ADAM19: variants seen among roughly 807,000 people sequenced by gnomAD.
The protein encoded by ADAM19 is ADAM metallopeptidase domain 19, also known as disintegrin and metalloproteinase domain-containing protein 19.
Under a neutral mutation model 114.7 loss-of-function variants are expected in ADAM19, and 65 were observed. The ratio of observed to expected loss-of-function variants is 0.57; its 90% CI spans 0.46 to 0.70. ADAM19 has a LOEUF of 0.70. Ranked by LOEUF, ADAM19 falls within the 30% of genes least tolerant of loss-of-function variation. The probability of loss-of-function intolerance (pLI) is 0.00; values close to 1 mark genes in which losing one functional copy is unlikely to be tolerated. For synonymous variants in ADAM19, 466 were observed against 460.5 expected, an observed-to-expected ratio of 1.01 and a Z score of -0.15; for missense variants, 1,063 against 1,204.7, an observed-to-expected ratio of 0.88 and a Z score of 1.74.
rs754714612 is a variant in ADAM19 at position 157,490,413 on chromosome 5, C to T, written c.2137G>A (p.Val713Met). The change falls in exon 19 of 23, where the codon GTG becomes ATG. Residue 713 changes from valine (V) to methionine (M), a missense_variant. Coordinates refer to ENST00000257527, the MANE Select transcript of ADAM19 (RefSeq NM_033274.5). ...VVAGVLVAILVLAVLMLMYYC... is the reference protein window; with the variant it reads ...VVAGVLVAILMLAVLMLMYYC... ...TACATCAGCATGAGGACCGCCAGCA[C>T]CAAGATGGCCACCAACACTCCAGCT... 3.7e-6 allele frequency: 6 copies of T among 1,613,992 alleles called. No individual in the cohort carries two copies. Among genetic ancestry groups the T allele is most frequent in the Admixed American group, 3.3e-5 (2 of 60,000 alleles).
chr5:157,573,193 AC>A (rs1241319298), intron 1 of ADAM19, among the ~76,000 whole-genome samples: 1 of 152,236 alleles, frequency 6.6e-6, no homozygotes, highest in Non-Finnish European at 1.5e-5. Context: ...CTAAAATCTC[AC>A]CAAAAGAGGA....
At chr5:157,530,943 T>C (rs553584075) in intron 4 of ADAM19, 60 bp from the exon 5 acceptor site, 10 of 1,416,160 alleles carry the variant, frequency 7.1e-6, no homozygotes, top group Non-Finnish European at 1.0e-5. Flanking sequence ...GCAATGTTAA[T>C]ATCTCAGGAT....
chr5:157,530,823 T>C lies in ADAM19; in HGVS notation c.391A>G (p.Thr131Ala), dbSNP rs148112715. The C allele has an allele frequency of 1.1e-4, 184 of 1,614,044 alleles. No homozygotes were observed. Among genetic ancestry groups the C allele is most frequent in the Non-Finnish European group, 1.0e-4 (119 of 1,180,020 alleles). ...GTCTCTTACCTAATTCCTCGGCAAG[T>C]GCTGAGCGTGACGCTGGACAGTTCT... ...ETELSSVTLS[T>A]CRGIRGLITV... The change falls in exon 5 of 23, where the codon ACT (threonine) becomes GCT (alanine). Residue 131 changes from threonine (T) to alanine (A), a missense_variant. Thr to Ala is a moderately conservative substitution (Grantham distance 58, BLOSUM62 0). This residue lies in a region of ADAM19 where 615 missense variants were observed against 706.3 expected (regional missense o/e 0.87). Transcript: ENST00000257527.
At chr5:157,533,270 CCT>C (rs1372446316) in intron 4 of ADAM19, among the ~76,000 whole-genome samples, 1 of 152,226 alleles carries the variant, frequency 6.6e-6, no homozygotes, top group Non-Finnish European at 1.5e-5. Context: ...AGAGCCAACC[CCT>C]GTCTTTGCAT....
rs541829591 is a variant in ADAM19, at chr5:157,568,643, T to G, written c.180+2252A>C. ...TTGGAAATCTGTCCTATATTTGCAT[T>G]CCCCCTAAGATCTAGTATAATATTT... On this transcript the variant is annotated intron_variant, in intron 2 of 22. Transcript: ENST00000257527. 3 of 152,100 alleles carry G rather than the reference T, an allele frequency of 2.0e-5. No homozygotes were observed. The East Asian group carries it at 5.8e-4, about 29-fold the overall frequency. 9.4% of individuals were successfully genotyped at this position (152,100 alleles called of 1,614,324 possible).
intron 2 of ADAM19, chr5:157,568,903 C>T (rs1757744418): frequency 6.6e-6 from 1 of 152,104 alleles, no homozygotes; most frequent in Admixed American, 6.6e-5. Flanking sequence ...AATACAATGA[C>T]CCATATGCTG....
At chr5:157,548,192 C>T (rs552549669) in intron 3 of ADAM19, among the ~76,000 whole-genome samples, 1 of 152,316 alleles carries the variant, frequency 6.6e-6, no homozygotes, top group South Asian at 2.1e-4. Flanking sequence ...TCCCGTGCCC[C>T]CAATCCAGAG....
At chr5:157,518,745 C>A in intron 7 of ADAM19, 78 bp downstream of exon 7, 1 of 1,147,934 alleles carries the variant, frequency 8.7e-7, no homozygotes, top group Non-Finnish European at 1.3e-6. Flanking sequence ...GGCAACATTT[C>A]CCCAAAGCAG....
chr5:157,513,539 A>C (rs1561538365), intron 7 of ADAM19, 34 bp from the exon 8 acceptor site: 7 of 1,584,618 alleles, frequency 4.4e-6, no homozygotes, highest in Non-Finnish European at 5.2e-6. Context: ...GTGAGATCCC[A>C]GAACCTCTCA....
Position 157,493,047 on chromosome 5 carries a change from G to A in ADAM19, c.1834C>T (p.Arg612Ter), listed in dbSNP as rs770719684. 47 of 1,614,108 alleles carry A rather than the reference G, an allele frequency of 2.9e-5. No homozygotes were observed. Among genetic ancestry groups the A allele is most frequent in the Non-Finnish European group, 3.3e-5 (39 of 1,180,048 alleles). Residue 612 changes from arginine (R) to a stop codon, truncating the protein, a stop_gained, in exon 16 of 23, where the codon CGA (arginine) becomes TGA (stop). Transcript: ENST00000257527. LOFTEE classifies it high-confidence loss of function. ...QIQCRGTHVY[R>*]GPEEEGDMLD... ...ATGTCACCCTCCTCCTCAGGACCTCGGTAGACGTGGGTGCCCCGGCACTGG... is the reference window on the plus strand; with the variant it reads ...ATGTCACCCTCCTCCTCAGGACCTCAGTAGACGTGGGTGCCCCGGCACTGG...
At position 157,537,925 on chromosome 5, in the gene ADAM19, T is replaced by G. The variant is rs764120819; in HGVS notation, c.318A>C (p.Thr106=). ...YTSSGNPQTT[T]RKLEDHCFYH... is the part of the protein sequence containing the mutation. ...GACCTGAACTCACCTCCAATTTCCGTGTGGTGGTTTGAGGGTTACCACTTG... is the reference window on the plus strand; with the variant it reads ...GACCTGAACTCACCTCCAATTTCCGGGTGGTGGTTTGAGGGTTACCACTTG... Residue 106 remains threonine, a synonymous_variant, in exon 4 of 23, where the codon ACA becomes ACC. Transcript: ENST00000257527. The G allele has an allele frequency of 6.2e-7, 1 of 1,614,046 alleles. No individual in the cohort carries two copies. The highest frequency in any genetic ancestry group is 1.3e-5 in the African/African-American group (1 of 75,022).
intron 20 of ADAM19, 58 bp from the exon 21 acceptor site, chr5:157,488,547 G>T: frequency 7.2e-7 from 1 of 1,380,734 alleles, no homozygotes; most frequent in Non-Finnish European, 9.9e-7. Context: ...CTGGCCTTGT[G>T]TGTCTCTTTG....
At chr5:157,546,707 C>T (rs2113773657) in intron 3 of ADAM19, among the ~76,000 whole-genome samples, 1 of 152,304 alleles carries the variant, frequency 6.6e-6, no homozygotes, top group South Asian at 2.1e-4. Context: ...TGGCCCTCTC[C>T]CCGGGGAGAC....
intron 13 of ADAM19, 113 bp from the exon 14 acceptor site, chr5:157,497,202 T>G (rs1332526723): frequency 1.0e-6 from 1 of 988,496 alleles, no homozygotes; most frequent in Non-Finnish European, 1.4e-6. Flanking sequence ...ATTACCATGA[T>G]TTCACAGCAC....
rs1757803035 is a variant in ADAM19, at chr5:157,570,946, A to C, written c.129T>G (p.His43Gln). The C allele has an allele frequency of 1.2e-6, 2 of 1,614,070 alleles. No individual in the cohort carries two copies. The highest frequency in any genetic ancestry group is 1.7e-6 in the Non-Finnish European group (2 of 1,180,030). The part of the protein sequence containing the change: ...GSEEGSPKLQ[H>Q]ELIIPQWKTS... Reference sequence around the variant, plus strand: ...TCTTCCACTGAGGTATGATAAGTTCATGCTGCAGCTTGGGGCTGCCTTCCT... The same window carrying C: ...TCTTCCACTGAGGTATGATAAGTTCCTGCTGCAGCTTGGGGCTGCCTTCCT... The change falls in exon 2 of 23, where the codon CAT becomes CAG. Residue 43 changes from histidine (H) to glutamine (Q), a missense_variant. Around this residue, in one of 3 missense-constraint regions of ADAM19, gnomAD observed 615 missense variants for 706.3 expected, o/e 0.87. Coordinates refer to ENST00000257527, the MANE Select transcript of ADAM19 (RefSeq NM_033274.5).
intron 16 of ADAM19, among the ~76,000 whole-genome samples, chr5:157,492,287 A>G (rs1371599149): frequency 6.6e-6 from 1 of 152,146 alleles, no homozygotes; most frequent in Non-Finnish European, 1.5e-5. Context: ...GCAAGACTCC[A>G]TCTTAAAAGA....
At chr5:157,573,566 T>A (rs1757889877) in intron 1 of ADAM19, among the ~76,000 whole-genome samples, 1 of 151,844 alleles carries the variant, frequency 6.6e-6, no homozygotes, top group South Asian at 2.1e-4. Flanking sequence ...GCCAACATGG[T>A]GAAACCCCGT....
chr5:157,558,358 G>A (rs570878657), intron 3 of ADAM19, among the ~76,000 whole-genome samples: 22 of 152,188 alleles, frequency 1.4e-4, no homozygotes, highest in Non-Finnish European at 2.9e-4. Context: ...GCCCAGCTGC[G>A]AGTAGAGTTT....
chr5:157,552,223 A>G (rs919885699), intron 3 of ADAM19, among the ~76,000 whole-genome samples: 2 of 152,194 alleles, frequency 1.3e-5, no homozygotes, highest in African/African-American at 4.8e-5. Context: ...GATAGGCAAT[A>G]ATAAATGCTG....
Sources: allele counts gnomAD v4.1 joint callset (sites outside exome capture counted in the v4.1 genomes callset), GRCh38; gene constraint gnomAD v4.1.1; regional missense constraint gnomAD v4.1.1; transcripts MANE v1.5; gene names NCBI Gene and HGNC (gene_info 2026-07-23, HGNC 2026-07-21).